DAG1: variants seen among roughly 807,000 people sequenced by gnomAD.
DAG1 encodes dystroglycan 1 (dystrophin-associated glycoprotein 1).
DAG1 carries 8 observed loss-of-function variants against 46.1 expected under a neutral mutation model. That is an observed-to-expected ratio of 0.17 (90% CI 0.10 to 0.31). The LOEUF is 0.31. Among genes scored for constraint, DAG1 ranks in the 10% least tolerant of loss-of-function variants. The pLI, the probability that DAG1 is intolerant of heterozygous loss-of-function variation, is 1.00. For missense variants in DAG1, 1,003 were observed against 1,189.9 expected, an observed-to-expected ratio of 0.84 and a Z score of 2.31; for synonymous variants, 495 against 481.8, an observed-to-expected ratio of 1.03 and a Z score of -0.36.
chr3:49,510,011 G>A (rs987598438), intron 1 of DAG1, among the ~76,000 whole-genome samples: 2 of 152,172 alleles, frequency 1.3e-5, no homozygotes, highest in South Asian at 2.1e-4. Context: ...TCATAGGCGT[G>A]AGCCACGGTG....
At chr3:49,521,070 G>C (rs1229772978) in intron 2 of DAG1, among the ~76,000 whole-genome samples, 1 of 152,202 alleles carries the variant, frequency 6.6e-6, no homozygotes, top group East Asian at 1.9e-4. Context: ...CCAGCCATTT[G>C]CTCTTTCTTC....
chr3:49,511,199 A>G (rs1218753196), intron 2 of DAG1, among the ~76,000 whole-genome samples: 2 of 152,246 alleles, frequency 1.3e-5, no homozygotes, highest in Non-Finnish European at 1.5e-5. Context: ...AAAATAAGAT[A>G]TAAATAAATA....
chr3:49,530,189 A>G (rs2051301223), intron 2 of DAG1, among the ~76,000 whole-genome samples: 1 of 152,192 alleles, frequency 6.6e-6, no homozygotes, highest in African/African-American at 2.4e-5. Context: ...AGATACAACT[A>G]ACTCTCTTTG....
rs1213822801 is a variant in DAG1, at chr3:49,488,224, T to TTACA, written c.-117+17792_-117+17793insACAT. 1.4e-4 allele frequency among the ~76,000 whole-genome samples: 22 copies of TTACA among 152,322 alleles called. 1 individual carries two copies. The highest frequency in any genetic ancestry group is 6.8e-3 in the Middle Eastern group (2 of 294). On this transcript the variant is annotated intron_variant, in intron 1 of 2. Coordinates refer to ENST00000308775, the MANE Select transcript of DAG1 (RefSeq NM_004393.6). The stretch of plus-strand genomic sequence containing the variant: ...GGGCAGGGCAAACTGCTGTCTCATG[T>TTACA]TGTTTCAAACTGCCCCACCTCCTTC...
At chr3:49,509,570 T>C (rs1472710350) in intron 1 of DAG1, among the ~76,000 whole-genome samples, 1 of 152,182 alleles carries the variant, frequency 6.6e-6, no homozygotes. Context: ...TGTGATTTTC[T>C]TTGCATAGCT....
In DAG1 at chr3:49,531,901, A is replaced by C; in HGVS notation, c.1390A>C (p.Thr464Pro). 6.2e-7 allele frequency: 1 copy of C among 1,614,132 alleles called. No homozygotes were observed. The highest frequency in any genetic ancestry group is 8.5e-7 in the Non-Finnish European group (1 of 1,180,034). The change falls in exon 3 of 3, where the codon ACC becomes CCC. Residue 464 changes from threonine to proline, a missense_variant. Physicochemically the swap from Thr to Pro is conservative, Grantham distance 38 (BLOSUM62 -1). Coordinates refer to ENST00000308775, the MANE Select transcript of DAG1 (RefSeq NM_004393.6). The surrounding 1 kb of genome is among the most constrained non-coding windows in gnomAD (Gnocchi z 7.0). ...RTPRPVPRVT[T>P]KVSITRLETA... ...ACCCCGGCCAGTGCCCCGGGTCACC[A>C]CCAAAGTTTCCATCACCAGATTGGA...
intron 2 of DAG1, among the ~76,000 whole-genome samples, chr3:49,529,830 G>C (rs2051292160): frequency 6.6e-6 from 1 of 152,206 alleles, no homozygotes; most frequent in Non-Finnish European, 1.5e-5. Context: ...CTTGTCAGCT[G>C]TTGGTGGAGG....
chr3:49,527,713 G>T (rs953051526), intron 2 of DAG1, among the ~76,000 whole-genome samples: 1 of 151,500 alleles, frequency 6.6e-6, no homozygotes, highest in Admixed American at 6.6e-5. Flanking sequence ...AAAAAAAAAA[G>T]TGCCCTTGTA....
intron 1 of DAG1, among the ~76,000 whole-genome samples, chr3:49,509,444 C>T (rs2050703525): frequency 6.6e-6 from 1 of 152,166 alleles, no homozygotes; most frequent in African/African-American, 2.4e-5. Context: ...GAAAGATACA[C>T]ACATCAAGTC....
upstream of DAG1, among the ~76,000 whole-genome samples, chr3:49,469,949 C>G (rs1301492136): frequency 6.6e-6 from 1 of 152,186 alleles, no homozygotes; most frequent in Non-Finnish European, 1.5e-5. Context: ...GTTCTGAAGG[C>G]TCCGAGTGAC....
chr3:49,475,512 C>A (rs1471021160), intron 1 of DAG1, among the ~76,000 whole-genome samples: 1 of 147,152 alleles, frequency 6.8e-6, no homozygotes, highest in Non-Finnish European at 1.5e-5. Flanking sequence ...TCATGTGATT[C>A]TCCTGCTTCA....
intron 1 of DAG1, among the ~76,000 whole-genome samples, chr3:49,499,949 T>C (rs1423647645): frequency 6.6e-6 from 1 of 152,176 alleles, no homozygotes; most frequent in Non-Finnish European, 1.5e-5. Context: ...TTAGGTATTA[T>C]TGATAACTTG....
intron 1 of DAG1, among the ~76,000 whole-genome samples, chr3:49,479,878 G>A (rs1353247099): frequency 7.3e-4 from 99 of 135,846 alleles, no homozygotes; most frequent in Middle Eastern, 6.1e-3. Flanking sequence ...CTGACCTCGT[G>A]ATCCACCTGC....
intron 1 of DAG1, among the ~76,000 whole-genome samples, chr3:49,504,507 A>G (rs1048792126): frequency 2.2e-5 from 3 of 135,728 alleles, no homozygotes; most frequent in Non-Finnish European, 4.7e-5. Flanking sequence ...GTGTATGTCT[A>G]TTTCTGGATT....
chr3:49,509,509 T>A (rs943635635), intron 1 of DAG1, among the ~76,000 whole-genome samples: 9 of 152,142 alleles, frequency 5.9e-5, no homozygotes, highest in Non-Finnish European at 1.2e-4. Context: ...ATGTCAGCAT[T>A]TGGAGAGACC....
At chr3:49,471,861 G>T (rs981335487) in intron 1 of DAG1, among the ~76,000 whole-genome samples, 1 of 152,176 alleles carries the variant, frequency 6.6e-6, no homozygotes, top group East Asian at 1.9e-4. Context: ...TGGGGACCAG[G>T]GAACCCATGA....
chr3:49,528,013 G>A (rs1182629358), intron 2 of DAG1, among the ~76,000 whole-genome samples: 1 of 151,904 alleles, frequency 6.6e-6, no homozygotes, highest in Non-Finnish European at 1.5e-5. Context: ...TAACCCTCAG[G>A]TGACCAAAAA....
At chr3:49,507,707 C>T (rs1430426301) in intron 1 of DAG1, among the ~76,000 whole-genome samples, 2 of 148,134 alleles carry the variant, frequency 1.4e-5, no homozygotes, top group Non-Finnish European at 3.0e-5. Flanking sequence ...AATCTGTCAT[C>T]CAGGCTAGAG....
At chr3:49,523,427 C>T (rs1315126657) in intron 2 of DAG1, among the ~76,000 whole-genome samples, 1 of 152,160 alleles carries the variant, frequency 6.6e-6, no homozygotes, top group African/African-American at 2.4e-5. Flanking sequence ...TTTGGGTTCT[C>T]ACCTGCAGCA....
Sources: allele counts gnomAD v4.1 joint callset (sites outside exome capture counted in the v4.1 genomes callset), GRCh38; gene constraint gnomAD v4.1.1; non-coding constraint Gnocchi (gnomAD v3.1); transcripts MANE v1.5; gene names NCBI Gene and HGNC (gene_info 2026-07-23, HGNC 2026-07-21).